Variants in CADM2 observed in about 807,000 individuals in gnomAD.
CADM2 encodes immunoglobulin superfamily member 4D.
Under a neutral mutation model 49.8 loss-of-function variants are expected in CADM2, and 12 were observed. The observed-to-expected ratio is 0.24, with a 90% confidence interval of 0.15 to 0.39. The LOEUF (loss-of-function observed/expected upper bound fraction) is 0.39. CADM2 is among the 10% of genes least tolerant of loss of function. The pLI is 1.00. For missense variants in CADM2, 378 were observed against 492.3 expected, an observed-to-expected ratio of 0.77 and a Z score of 2.20; for synonymous variants, 214 against 175.4, an observed-to-expected ratio of 1.22 and a Z score of -1.74.
rs895914407 is a variant in CADM2 at position 86,071,756 on chromosome 3, G to A, written c.*4973G>A. The A allele has an allele frequency of 6.6e-6, 1 of 151,764 alleles. No individual in the cohort carries two copies. Among genetic ancestry groups the A allele is most frequent in the Non-Finnish European group, 1.5e-5 (1 of 67,840 alleles). The allele number at this position is 151,764 out of a possible 1,614,324, so 9.4% of individuals were successfully genotyped here. ...ATTTGTTTTTCCTTTTCTATCATTA[G>A]CTTTTCCTAAAGGCAAAATATTATA... On this transcript the variant is annotated 3_prime_UTR_variant, in exon 10 of 10. Transcript: ENST00000383699.
At chr3:85,394,880 T>C (rs183411540) in intron 1 of CADM2, among the ~76,000 whole-genome samples, 2 of 152,282 alleles carry the variant, frequency 1.3e-5, no homozygotes. Flanking sequence ...TAAAAATGTG[T>C]CTCTCATGCA....
intron 1 of CADM2, among the ~76,000 whole-genome samples, chr3:85,580,407 T>A (rs1418821099): frequency 6.6e-6 from 1 of 152,060 alleles, no homozygotes; most frequent in East Asian, 1.9e-4. Flanking sequence ...GTTTAAAAGG[T>A]GGTTAGAAAA....
intron 1 of CADM2, among the ~76,000 whole-genome samples, chr3:85,466,384 GTGAA>G (rs1360825852): frequency 6.6e-6 from 1 of 152,110 alleles, no homozygotes; most frequent in African/African-American, 2.4e-5. Context: ...AAAGTAGAGA[GTGAA>G]TTTTTGGGAA....
chr3:85,648,178 T>A (rs2064943762), intron 1 of CADM2, among the ~76,000 whole-genome samples: 1 of 151,896 alleles, frequency 6.6e-6, no homozygotes, highest in Non-Finnish European at 1.5e-5. Context: ...TCTCTTCACT[T>A]CCAATTAGTT....
chr3:85,720,502 C>T (rs1577159287), intron 1 of CADM2, among the ~76,000 whole-genome samples: 1 of 152,138 alleles, frequency 6.6e-6, no homozygotes, highest in East Asian at 1.9e-4. Context: ...CAATATTTGG[C>T]TATGTAACTC....
At chr3:85,338,394 G>C (rs1007131126) in intron 1 of CADM2, among the ~76,000 whole-genome samples, 3 of 151,488 alleles carry the variant, frequency 2.0e-5, no homozygotes, top group African/African-American at 7.3e-5. Context: ...TTGTTTGTTT[G>C]TTTTTAACCA....
At chr3:85,523,916 C>CA (rs1015423986) in intron 1 of CADM2, among the ~76,000 whole-genome samples, 4 of 151,720 alleles carry the variant, frequency 2.6e-5, no homozygotes, top group Non-Finnish European at 5.9e-5. Context: ...TGTAGCCCAA[C>CA]AAAAAAATAA....
intron 1 of CADM2, among the ~76,000 whole-genome samples, chr3:85,225,286 G>T (rs878862819): frequency 7.9e-5 from 12 of 152,110 alleles, no homozygotes; most frequent in Non-Finnish European, 1.8e-4. Context: ...TTGAGCAGTG[G>T]TTTGTAGTTC....
chr3:85,712,924 T>C (rs1373083900), intron 1 of CADM2, among the ~76,000 whole-genome samples: 1 of 152,218 alleles, frequency 6.6e-6, no homozygotes. Context: ...TTTGCTTGTA[T>C]GTTTTGAAAT....
At chr3:85,590,487 T>C (rs1316945193) in intron 1 of CADM2, among the ~76,000 whole-genome samples, 2 of 151,938 alleles carry the variant, frequency 1.3e-5, no homozygotes, top group Non-Finnish European at 2.9e-5. Flanking sequence ...TGTTAGAGTG[T>C]TTTGAAAGAA....
At chr3:85,750,196 A>G (rs897484600) in intron 2 of CADM2, among the ~76,000 whole-genome samples, 1 of 151,958 alleles carries the variant, frequency 6.6e-6, no homozygotes, top group Non-Finnish European at 1.5e-5. Context: ...CTTTCAGAAG[A>G]TGTGTAGTAA....
chr3:86,012,417 G>T, intron 8 of CADM2: 4 of 397,792 alleles, frequency 1.0e-5, no homozygotes, highest in South Asian at 4.8e-5. Flanking sequence ...AATAAAGTTG[G>T]GCTTCTCGCC....
At chr3:85,423,518 A>G (rs1370113279) in intron 1 of CADM2, among the ~76,000 whole-genome samples, 13 of 152,180 alleles carry the variant, frequency 8.5e-5, no homozygotes, top group Non-Finnish European at 1.9e-4. Context: ...TGATTGGCCT[A>G]CGAATAATAA....
intron 8 of CADM2, among the ~76,000 whole-genome samples, chr3:85,995,534 C>T (rs1234495043): frequency 6.6e-6 from 1 of 152,068 alleles, no homozygotes; most frequent in African/African-American, 2.4e-5. Flanking sequence ...AAGCAGCCTT[C>T]AAAGCCATTT....
At chr3:85,174,059 T>C (rs2040708993) in intron 1 of CADM2, among the ~76,000 whole-genome samples, 1 of 152,138 alleles carries the variant, frequency 6.6e-6, no homozygotes, top group Non-Finnish European at 1.5e-5. Context: ...TCTGATTCTC[T>C]TGTTTATCTT....
chr3:85,405,104 T>C (rs1409190271), intron 1 of CADM2, among the ~76,000 whole-genome samples: 1 of 152,100 alleles, frequency 6.6e-6, no homozygotes, highest in Non-Finnish European at 1.5e-5. Flanking sequence ...AAATGCATAA[T>C]ACTGTGAAGA....
chr3:85,931,588 A>G lies in CADM2; in HGVS notation c.701-4179A>G, dbSNP rs1720598337. Among the ~76,000 whole-genome samples the G allele has an allele frequency of 2.6e-5, 4 of 152,344 alleles. No homozygotes were observed. The South Asian group carries it at 8.3e-4, about 32-fold the overall frequency. The stretch of plus-strand genomic sequence containing the variant: ...ATTACACAAAGGTGAAAAAAGGAAC[A>G]TGCAGCAATGGTATCTGATCAGATT... On this transcript the variant is annotated intron_variant, in intron 6 of 9. Coordinates refer to ENST00000383699, the MANE Select transcript of CADM2 (RefSeq NM_001167675.2).
At chr3:85,924,838 A>G (rs1719620161) in intron 6 of CADM2, among the ~76,000 whole-genome samples, 1 of 152,102 alleles carries the variant, frequency 6.6e-6, no homozygotes, top group South Asian at 2.1e-4. Context: ...AAGATTTCTT[A>G]TTGCTTCTAA....
chr3:85,227,856 G>A (rs1464509337), intron 1 of CADM2, among the ~76,000 whole-genome samples: 1 of 152,084 alleles, frequency 6.6e-6, no homozygotes, highest in Non-Finnish European at 1.5e-5. Context: ...CTCAGGATTT[G>A]CTTGTCTGTA....
Sources: gnomAD v4.1 joint callset for allele counts (sites outside exome capture counted in the v4.1 genomes callset) on GRCh38, gnomAD v4.1.1 for gene constraint, MANE v1.5 for transcripts, NCBI Gene and HGNC (gene_info 2026-07-23, HGNC 2026-07-21) for gene names.